Variants in NAALAD2 observed in about 807,000 individuals in gnomAD.
NAALAD2 encodes N-acetylated alpha-linked acidic dipeptidase 2, also known as N-acetylated-alpha-linked acidic dipeptidase 2.
Under a neutral mutation model 95.6 loss-of-function variants are expected in NAALAD2, and 89 were observed. That is an observed-to-expected ratio of 0.93 (90% CI 0.78 to 1.11). The LOEUF is 1.11. Ranked by LOEUF, NAALAD2 falls within the 50% of genes least tolerant of loss-of-function variation. NAALAD2 has a pLI of 0.00. For missense variants in NAALAD2, 894 were observed against 872.4 expected, an observed-to-expected ratio of 1.02 and a Z score of -0.31; for synonymous variants, 264 against 294.4, an observed-to-expected ratio of 0.90 and a Z score of 1.06.
Position 90,147,496 on chromosome 11 carries a change from G to A in NAALAD2, c.361G>A (p.Val121Met). 1 of 1,607,770 alleles carries A rather than the reference G, an allele frequency of 6.2e-7. No individual in the cohort carries two copies. Among genetic ancestry groups the A allele is most frequent in the South Asian group, 1.1e-5 (1 of 89,938 alleles). The change falls in exon 3 of 19, where the codon GTG becomes ATG. Residue 121 changes from valine (V) to methionine (M), a missense_variant. Val to Met is a conservative substitution (Grantham distance 21). Transcript: ENST00000534061. Reference protein sequence around the residue: ...NETNANYISIVDEHETEIFKT... With the variant: ...NETNANYISIMDEHETEIFKT... ...GACAAATGCCAACTATATATCGATT[G>A]TGGATGAACATGAAACTGAGGTATG...
rs760840563 is a variant in NAALAD2, at chr11:90,176,006, G to A, written c.1537G>A (p.Ala513Thr). The change falls in exon 15 of 19, where the codon GCT becomes ACT. Residue 513 changes from alanine to threonine, a missense_variant. Ala to Thr is a moderately conservative substitution (Grantham distance 58). Coordinates refer to ENST00000534061, the MANE Select transcript of NAALAD2 (RefSeq NM_005467.4). ...NKLGSGSDFE[A>T]YFQRLGIASG... is the part of the protein sequence containing the mutation. ...GCTGGGATCTGGAAGTGACTTTGAA[G>A]CTTATTTTCAGAGACTTGGAATTGC... The A allele has an allele frequency of 6.8e-6, 11 of 1,613,016 alleles. No individual in the cohort carries two copies. The highest frequency in any genetic ancestry group is 9.3e-6 in the Non-Finnish European group (11 of 1,179,582).
At chr11:90,139,859 T>G (rs1330011127) in intron 2 of NAALAD2, among the ~76,000 whole-genome samples, 1 of 52,112 alleles carries the variant, frequency 1.9e-5, no homozygotes, top group Non-Finnish European at 3.4e-5. Flanking sequence ...CTTTTCCTTT[T>G]TTTTTTTTTT....
chr11:90,175,029 G>C (rs1952746328), intron 14 of NAALAD2, among the ~76,000 whole-genome samples: 1 of 151,914 alleles, frequency 6.6e-6, no homozygotes, highest in South Asian at 2.1e-4. Flanking sequence ...GTTTAGACTT[G>C]GGCCCCATCC....
At chr11:90,186,063 C>T (rs1281289536) in intron 18 of NAALAD2, among the ~76,000 whole-genome samples, 1 of 151,702 alleles carries the variant, frequency 6.6e-6, no homozygotes, top group African/African-American at 2.4e-5. Context: ...TTTTAGGGTA[C>T]ATGTGCACAT....
intron 18 of NAALAD2, 76 bp from the exon 19 acceptor site, chr11:90,191,482 C>T (rs1424694811): frequency 9.7e-7 from 1 of 1,027,144 alleles, no homozygotes; most frequent in Admixed American, 2.9e-5. Context: ...AAGGAAACAT[C>T]ATGTGGTCTA....
chr11:90,168,810 G>A (rs1018786650), intron 11 of NAALAD2, 119 bp from the exon 12 acceptor site: 4 of 750,026 alleles, frequency 5.3e-6, no homozygotes, highest in Non-Finnish European at 9.0e-6. Context: ...GATGGACCTA[G>A]CTATTTAATT....
intron 11 of NAALAD2, among the ~76,000 whole-genome samples, chr11:90,167,231 G>A (rs1565534541): frequency 6.6e-6 from 1 of 152,300 alleles, no homozygotes; most frequent in Admixed American, 6.5e-5. Flanking sequence ...GGGCGCTTGC[G>A]GCCCAGCGAG....
chr11:90,177,586 G>GTTTTGTTTTTTTTTTTT (rs1952833043), intron 15 of NAALAD2, among the ~76,000 whole-genome samples: 2 of 28,456 alleles, frequency 7.0e-5, no homozygotes, highest in African/African-American at 2.8e-4. Flanking sequence ...TCTTTTTCTT[G>GTTTTGTTTTTTTTTTTT]TTTTTTTTTT....
chr11:90,163,500 T>C (rs1178128513), intron 10 of NAALAD2, 35 bp from the exon 11 acceptor site: 2 of 1,613,306 alleles, frequency 1.2e-6, no homozygotes, highest in Non-Finnish European at 1.7e-6. Context: ...TTTTAGGCAG[T>C]TGTACCTAAC....
chr11:90,170,081 TCA>T lies in NAALAD2; in HGVS notation c.1356_1357del (p.Arg453SerfsTer2), dbSNP rs769012918. The T allele has an allele frequency of 2.3e-5, 37 of 1,582,820 alleles. No homozygotes were observed. Among genetic ancestry groups the T allele is most frequent in the South Asian group, 1.3e-4 (12 of 90,422 alleles). ...ATTTATTTTTCAGGCAATTATACTC[TCA>T]GAGTTGACTGTACTCCCCTTCTTTA... On this transcript the variant is annotated frameshift_variant, in exon 13 of 19. Coordinates refer to ENST00000534061, the MANE Select transcript of NAALAD2 (RefSeq NM_005467.4). LOFTEE classifies it high-confidence loss of function.
chr11:90,134,925 A>G (rs1487581358), intron 1 of NAALAD2, 85 bp downstream of exon 1: 1 of 1,480,528 alleles, frequency 6.8e-7, no homozygotes, highest in African/African-American at 1.4e-5. Context: ...GCTGGAAGGG[A>G]TTGGGCTGTG....
intron 11 of NAALAD2, among the ~76,000 whole-genome samples, chr11:90,166,611 G>A (rs1240696183): frequency 3.3e-5 from 5 of 152,214 alleles, no homozygotes; most frequent in East Asian, 1.9e-4. Context: ...CAAGGCGGGC[G>A]GATCACGAGG....
intron 11 of NAALAD2, among the ~76,000 whole-genome samples, chr11:90,164,698 T>C (rs1181757420): frequency 6.6e-6 from 1 of 152,162 alleles, no homozygotes; most frequent in African/African-American, 2.4e-5. Flanking sequence ...AAATGTTGGC[T>C]CCCTTCTCTC....
intron 6 of NAALAD2, 105 bp downstream of exon 6, chr11:90,152,589 G>A (rs1951919356): frequency 2.7e-6 from 2 of 746,326 alleles, no homozygotes; most frequent in Non-Finnish European, 4.1e-6. Flanking sequence ...CTAAAATTGA[G>A]TACACTTATA....
chr11:90,184,680 C>T (rs1857072772), intron 18 of NAALAD2, among the ~76,000 whole-genome samples: 1 of 151,896 alleles, frequency 6.6e-6, no homozygotes, highest in African/African-American at 2.4e-5. Context: ...AGGAGCAGTG[C>T]TTCTTCAGCA....
intron 2 of NAALAD2, among the ~76,000 whole-genome samples, chr11:90,136,454 CT>C (rs2060069431): frequency 6.6e-6 from 1 of 152,186 alleles, no homozygotes; most frequent in African/African-American, 2.4e-5. Context: ...CCCTCCATCT[CT>C]GTCACTGGGC....
Position 90,147,533 on chromosome 11 carries a change from G to T in NAALAD2, c.381+17G>T. ...GAAACTGAGGTATGTGAAATTGTTG[G>T]TACTTTTTATATTTTGCAATCCGAC... On this transcript the variant is annotated intron_variant, in intron 3 of 18. Coordinates refer to ENST00000534061, the MANE Select transcript of NAALAD2 (RefSeq NM_005467.4). 6.3e-7 allele frequency: 1 copy of T among 1,585,382 alleles called. No individual in the cohort carries two copies. Among genetic ancestry groups the T allele is most frequent in the Non-Finnish European group, 8.6e-7 (1 of 1,165,430 alleles).
chr11:90,172,445 C>G lies in NAALAD2; in HGVS notation c.1411-1379C>G, dbSNP rs888011397. On this transcript the variant is annotated intron_variant, in intron 13 of 18. Transcript: ENST00000534061. ...TGAGGGCTTGTGTTATCAGTAGACA[C>G]AACACATTTGTGCCTCTAAATAAGT... 2.6e-5 allele frequency among the ~76,000 whole-genome samples: 4 copies of G among 152,092 alleles called. No individual in the cohort carries two copies. The East Asian group carries it at 7.7e-4, about 29-fold the overall frequency.
chr11:90,178,858 A>T (rs1565545525), intron 16 of NAALAD2, among the ~76,000 whole-genome samples: 1 of 152,104 alleles, frequency 6.6e-6, no homozygotes, highest in East Asian at 1.9e-4. Context: ...TTATAAGTAT[A>T]CTTTCCTTTT....
Sources: allele counts gnomAD v4.1 joint callset (sites outside exome capture counted in the v4.1 genomes callset), GRCh38; gene constraint gnomAD v4.1.1; transcripts MANE v1.5; gene names NCBI Gene and HGNC (gene_info 2026-07-23, HGNC 2026-07-21).